The following ZNF710 variants were observed in gnomAD, a reference collection of about 807,000 sequenced individuals.
ZNF710 encodes zinc finger protein 710.
In ZNF710, 13 loss-of-function variants were observed where a neutral mutation model predicts 50.6. The ratio of observed to expected loss-of-function variants is 0.26; its 90% CI spans 0.17 to 0.41. The LOEUF (loss-of-function observed/expected upper bound fraction) is 0.41. Among genes scored for constraint, ZNF710 ranks in the 10% least tolerant of loss-of-function variants. The probability of loss-of-function intolerance (pLI) is 1.00; values close to 1 mark genes in which losing one functional copy is unlikely to be tolerated. For synonymous variants in ZNF710, 383 were observed against 397.0 expected (o/e 0.96, Z 0.42); for missense variants, 721 against 936.6 (o/e 0.77, Z 3.01).
At chr15:90,064,081 A>T (rs988007716) in intron 1 of ZNF710, among the ~76,000 whole-genome samples, 1 of 152,200 alleles carries the variant, frequency 6.6e-6, no homozygotes, top group Non-Finnish European at 1.5e-5. Context: ...GCCTTTGGGG[A>T]AGTTTACAAA....
intron 1 of ZNF710, among the ~76,000 whole-genome samples, chr15:90,008,429 T>TACACATATATATACACAC (rs1567218367): frequency 3.3e-4 from 46 of 138,528 alleles, no homozygotes; most frequent in African/African-American, 1.3e-3. Flanking sequence ...TGTGTGTGTA[T>TACACATATATATACACAC]ATATATATAT....
rs746420285 is a variant in ZNF710 at position 90,067,761 on chromosome 15, G to T, written c.624G>T (p.Gly208=). The change falls in exon 2 of 5, where the codon GGG becomes GGT. Residue 208 remains glycine (G), a synonymous_variant. Coordinates refer to ENST00000268154, the MANE Select transcript of ZNF710 (RefSeq NM_198526.4). This position sits in a 1 kb window ranked among gnomAD's most constrained non-coding sequence, Gnocchi z 8.1. ...CCGAGCCCAGCATGGCGCTGCCTGG[G>T]CCAGAGGCCTTGCCCACAGAGTGTG... ...GFPEPSMALP[G]PEALPTECGF... is the part of the protein sequence containing the mutation. The T allele has an allele frequency of 6.3e-7, 1 of 1,590,066 alleles. No homozygotes were observed. The highest frequency in any genetic ancestry group is 8.6e-7 in the Non-Finnish European group (1 of 1,169,290).
intron 1 of ZNF710, among the ~76,000 whole-genome samples, chr15:90,004,197 T>G (rs74754710): frequency 0.017 from 2,572 of 152,222 alleles, 79 homozygotes; most frequent in African/African-American, 0.059. Context: ...CTGGAATGGT[T>G]TTTGAGTTGG....
In ZNF710 at chr15:90,068,285, T is replaced by A; in HGVS notation, c.1148T>A (p.Phe383Tyr). The A allele has an allele frequency of 6.2e-7, 1 of 1,613,130 alleles. No homozygotes were observed. Among genetic ancestry groups the A allele is most frequent in the Non-Finnish European group, 8.5e-7 (1 of 1,179,994 alleles). Reference protein sequence around the residue: ...HSEVKPYSCHFCGRGFAYPSE... With the variant: ...HSEVKPYSCHYCGRGFAYPSE... ...GAGGTCAAGCCCTACAGCTGCCACT[T>A]CTGCGGCCGCGGCTTCGCCTACCCC... The change falls in exon 2 of 5, where the codon TTC (phenylalanine) becomes TAC (tyrosine). Residue 383 changes from phenylalanine (F) to tyrosine (Y), a missense_variant. Transcript: ENST00000268154. The surrounding 1 kb of genome is among the most constrained non-coding windows in gnomAD (Gnocchi z 5.0).
At chr15:90,052,911 C>T (rs1437065606) in intron 1 of ZNF710, among the ~76,000 whole-genome samples, 1 of 151,902 alleles carries the variant, frequency 6.6e-6, no homozygotes, top group Non-Finnish European at 1.5e-5. Context: ...CCAGCCTGGG[C>T]GACAGAGAGA....
At chr15:90,039,360 C>T (rs957701207) in intron 1 of ZNF710, among the ~76,000 whole-genome samples, 3 of 151,996 alleles carry the variant, frequency 2.0e-5, no homozygotes, top group Admixed American at 6.6e-5. Flanking sequence ...CTCTTCATTT[C>T]GTGGGTGGGA....
At chr15:90,020,145 C>T (rs1037024829) in intron 1 of ZNF710, among the ~76,000 whole-genome samples, 29 of 152,316 alleles carry the variant, frequency 1.9e-4, no homozygotes, top group Non-Finnish European at 3.2e-4. Flanking sequence ...TGGTCTAAAT[C>T]GGACCTTCCT....
At chr15:90,017,976 G>C (rs184313525) in intron 1 of ZNF710, among the ~76,000 whole-genome samples, 6 of 143,098 alleles carry the variant, frequency 4.2e-5, no homozygotes, top group Admixed American at 2.7e-4. Context: ...CTTAGCAAAG[G>C]CTAGCTTCTC....
intron 1 of ZNF710, among the ~76,000 whole-genome samples, chr15:90,027,304 G>A (rs545806316): frequency 7.3e-4 from 111 of 151,920 alleles, no homozygotes; most frequent in African/African-American, 2.6e-3. Flanking sequence ...TCCAACTCCT[G>A]GGTTCAAGCG....
chr15:90,047,243 G>A (rs563634920), intron 1 of ZNF710, among the ~76,000 whole-genome samples: 2 of 152,324 alleles, frequency 1.3e-5, no homozygotes, highest in African/African-American at 2.4e-5. Context: ...AGCTCCTCCC[G>A]TAACTAACGT....
chr15:90,009,677 A>G (rs941437756), intron 1 of ZNF710, among the ~76,000 whole-genome samples: 1 of 151,856 alleles, frequency 6.6e-6, no homozygotes, highest in African/African-American at 2.4e-5. Flanking sequence ...CTCTACCTAC[A>G]GCTACAGTCA....
intron 1 of ZNF710, among the ~76,000 whole-genome samples, chr15:90,011,832 G>A (rs1898312594): frequency 6.6e-6 from 1 of 151,880 alleles, no homozygotes. Flanking sequence ...GTTTTGCTGG[G>A]TATAAAACAT....
intron 1 of ZNF710, among the ~76,000 whole-genome samples, chr15:90,003,561 G>A (rs1272838767): frequency 1.3e-5 from 2 of 152,090 alleles, no homozygotes; most frequent in East Asian, 3.8e-4. Flanking sequence ...GAACCAATGG[G>A]GCCACGTGGG....
At chr15:90,079,464 C>T (rs938133921) in intron 4 of ZNF710, among the ~76,000 whole-genome samples, 196 bp from the exon 5 acceptor site, 2 of 152,230 alleles carry the variant, frequency 1.3e-5, no homozygotes, top group African/African-American at 4.8e-5. Context: ...AGCTTTGGGG[C>T]CTAGGTCTGG....
At chr15:90,007,474 T>C (rs1171321973) in intron 1 of ZNF710, among the ~76,000 whole-genome samples, 1 of 151,996 alleles carries the variant, frequency 6.6e-6, no homozygotes, top group Non-Finnish European at 1.5e-5. Flanking sequence ...TGTGTGCACT[T>C]TTCTGGGAAG....
At position 90,074,164 on chromosome 15, in the gene ZNF710, C is replaced by A. The variant is rs1900504678; in HGVS notation, c.1699C>A (p.His567Asn). 1 of 1,613,736 alleles carries A rather than the reference C, an allele frequency of 6.2e-7. No individual in the cohort carries two copies. Reference sequence around the variant, plus strand: ...CATGTACAACCTGCTGGGCCACATGCACCTGCACGCCGGCAGCAAGCCCTT... The same window carrying A: ...CATGTACAACCTGCTGGGCCACATGAACCTGCACGCCGGCAGCAAGCCCTT... ...NRMYNLLGHM[H>N]LHAGSKPFKC... is the part of the protein sequence containing the mutation. Residue 567 changes from histidine to asparagine, a missense_variant, in exon 4 of 5, where the codon CAC becomes AAC. His to Asn is a moderately conservative substitution (Grantham distance 68, BLOSUM62 1). Transcript: ENST00000268154.
At chr15:90,066,328 A>G (rs571240313) in intron 1 of ZNF710, among the ~76,000 whole-genome samples, 11 of 152,198 alleles carry the variant, frequency 7.2e-5, no homozygotes, top group Admixed American at 2.0e-4. Flanking sequence ...TGTGCAAATT[A>G]ATTACTTTGG....
intron 1 of ZNF710, among the ~76,000 whole-genome samples, chr15:90,010,935 T>G (rs1368726855): frequency 1.9e-4 from 27 of 143,368 alleles, no homozygotes; most frequent in African/African-American, 4.1e-4. Context: ...TTTGTTTTTT[T>G]TTTTTTTTTT....
Position 90,081,205 on chromosome 15 carries a change from G to C in ZNF710, c.*1376G>C, listed in dbSNP as rs1387891078. On this transcript the variant is annotated 3_prime_UTR_variant, in exon 5 of 5. Transcript: ENST00000268154. Reference sequence around the variant, plus strand: ...GCTGACTCTGCTCAGCCAACAGCTAGCTCCCTCGCTCGCCTGCTCTCTTCC... The same window carrying C: ...GCTGACTCTGCTCAGCCAACAGCTACCTCCCTCGCTCGCCTGCTCTCTTCC... 1 of 152,788 alleles carries C rather than the reference G, an allele frequency of 6.5e-6. No homozygotes were observed. The highest frequency in any genetic ancestry group is 1.5e-5 in the Non-Finnish European group (1 of 68,532). 9.5% of individuals were successfully genotyped at this position (152,788 alleles called of 1,614,324 possible). A position where few individuals can be genotyped will look rare whatever the true frequency, so the allele number is the denominator to read the frequency against.
Sources: gnomAD v4.1 joint callset for allele counts (sites outside exome capture counted in the v4.1 genomes callset) on GRCh38, gnomAD v4.1.1 for gene constraint, Gnocchi (gnomAD v3.1) non-coding constraint, MANE v1.5 for transcripts, NCBI Gene and HGNC (gene_info 2026-07-23, HGNC 2026-07-21) for gene names.